Variants in TUT4 observed in about 807,000 individuals in gnomAD.
TUT4 encodes terminal uridylyltransferase 4.
In TUT4, 36 loss-of-function variants were observed where a neutral mutation model predicts 192.2. The observed-to-expected ratio is 0.19, with a 90% CI of 0.14 to 0.25. The LOEUF (loss-of-function observed/expected upper bound fraction) is 0.25. Ranked by LOEUF, TUT4 falls within the 10% of genes least tolerant of loss-of-function variation. The probability of loss-of-function intolerance (pLI) is 1.00; values close to 1 mark genes in which losing one functional copy is unlikely to be tolerated. For missense variants in TUT4, 1,493 were observed against 1,957.2 expected (o/e 0.76, Z 4.47); for synonymous variants, 618 against 666.0 (o/e 0.93, Z 1.11).
intron 1 of TUT4, among the ~76,000 whole-genome samples, chr1:52,528,115 G>T (rs993477005): frequency 6.6e-6 from 1 of 151,466 alleles, no homozygotes; most frequent in African/African-American, 2.4e-5. Context: ...GGAAGCGGAA[G>T]TTGCAGTGAA....
chr1:52,508,241 C>T (rs149874153), intron 4 of TUT4, among the ~76,000 whole-genome samples: 1,778 of 150,956 alleles, frequency 0.012, 39 homozygotes, highest in African/African-American at 0.041. Flanking sequence ...GCAGGGTAAT[C>T]GCTTAAACCT....
intron 1 of TUT4, among the ~76,000 whole-genome samples, chr1:52,538,065 G>A (rs1033151489): frequency 1.8e-4 from 27 of 152,056 alleles, no homozygotes; most frequent in African/African-American, 5.3e-4. Flanking sequence ...GTGAAACCCC[G>A]TCTCTACTAA....
At chr1:52,436,004 AT>A (rs755394425) in intron 26 of TUT4, among the ~76,000 whole-genome samples, 3 of 150,936 alleles carry the variant, frequency 2.0e-5, no homozygotes, top group African/African-American at 7.3e-5. Context: ...ATGTTCTCTT[AT>A]TTTTTTTTAA....
chr1:52,520,800 C>CT (rs913768037), intron 2 of TUT4, among the ~76,000 whole-genome samples: 96 of 151,208 alleles, frequency 6.3e-4, no homozygotes, highest in African/African-American at 2.1e-3. Flanking sequence ...ATTTTATTTT[C>CT]TTTTTTTTTG....
chr1:52,516,113 A>G lies in TUT4; in HGVS notation c.719-59T>C. The stretch of plus-strand genomic sequence containing the variant: ...GAACTGGTAAATTTTTAAATTTTTT[A>G]ATGGAAAACAGACATTAAATTTATA... On this transcript the variant is annotated intron_variant, in intron 2 of 29. Transcript: ENST00000257177. 8.3e-6 allele frequency: 11 copies of G among 1,326,054 alleles called. No individual in the cohort carries two copies. In the South Asian group the frequency reaches 1.5e-4, roughly 18 times the overall value. The allele number at this position is 1,326,054 out of a possible 1,614,324, so 82.1% of individuals were successfully genotyped here.
At chr1:52,530,258 CAAAA>C (rs11365992) in intron 1 of TUT4, among the ~76,000 whole-genome samples, 5 of 93,286 alleles carry the variant, frequency 5.4e-5, no homozygotes, top group Non-Finnish European at 8.9e-5. Context: ...GACTCCATCT[CAAAA>C]AAAAAAAAAA....
intron 1 of TUT4, 21 bp from the exon 2 acceptor site, chr1:52,526,394 G>A: frequency 4.1e-6 from 4 of 976,324 alleles, no homozygotes; most frequent in East Asian, 3.3e-5. Flanking sequence ...AAAAAAAAGA[G>A]AAAAATCTGT....
At chr1:52,488,515 T>G (rs551487097) in intron 9 of TUT4, among the ~76,000 whole-genome samples, 2 of 152,198 alleles carry the variant, frequency 1.3e-5, no homozygotes, top group Non-Finnish European at 2.9e-5. Context: ...GGAAAGAGAA[T>G]AGCATTCTTA....
At chr1:52,450,932 C>T (rs1420916099) in intron 20 of TUT4, among the ~76,000 whole-genome samples, 1 of 151,964 alleles carries the variant, frequency 6.6e-6, no homozygotes, top group Non-Finnish European at 1.5e-5. Context: ...AGAATTAGTA[C>T]ATATGATCCC....
In TUT4 at chr1:52,465,148, G is replaced by A. The variant is rs1325614543; in HGVS notation, c.2991C>T (p.Gly997=). The A allele has an allele frequency of 3.7e-6, 6 of 1,613,492 alleles. No homozygotes were observed. In the Admixed American group the frequency reaches 8.3e-5, roughly 22 times the overall value. The change falls in exon 16 of 30, where the codon GGC becomes GGT. Residue 997 remains glycine, a synonymous_variant. Coordinates refer to ENST00000257177, the MANE Select transcript of TUT4 (RefSeq NM_001009881.3). ...YDEKARLCLF[G]SSKNGFGFRD... is the part of the protein sequence containing the mutation. ...GAAATCCAAATCCATTCTTAGAAGA[G>A]CCAAATAAGCACAACCTTGCCTTTT...
rs757660083 is a variant in TUT4, at chr1:52,468,295, A to C, written c.2879-28T>G. The C allele has an allele frequency of 3.9e-6, 6 of 1,525,500 alleles. No homozygotes were observed. In the South Asian group the frequency reaches 7.4e-5, roughly 19 times the overall value. 94.5% of individuals were successfully genotyped at this position (1,525,500 alleles called of 1,614,324 possible). A position where few individuals can be genotyped will look rare whatever the true frequency, so the allele number is the denominator to read the frequency against. ...GGGTTTATAAAAAGAAGAAAAAAGG[A>C]AAAAGAAAAGTAAGGAAAACAGAAT... On this transcript the variant is annotated intron_variant, in intron 14 of 29. Coordinates refer to ENST00000257177, the MANE Select transcript of TUT4 (RefSeq NM_001009881.3).
At chr1:52,451,164 G>T (rs576830001) in intron 20 of TUT4, among the ~76,000 whole-genome samples, 11 of 152,106 alleles carry the variant, frequency 7.2e-5, no homozygotes, top group African/African-American at 2.7e-4. Flanking sequence ...TACTCGGGAG[G>T]CTGAGGCAGG....
intron 20 of TUT4, among the ~76,000 whole-genome samples, chr1:52,451,601 G>T (rs1450780137): frequency 6.6e-6 from 1 of 152,148 alleles, no homozygotes; most frequent in African/African-American, 2.4e-5. Flanking sequence ...CAGCACTTTG[G>T]GAGGCCAAGG....
chr1:52,546,154 G>A (rs1688044768), intron 1 of TUT4, among the ~76,000 whole-genome samples: 4 of 151,788 alleles, frequency 2.6e-5, no homozygotes, highest in African/African-American at 9.7e-5. Context: ...TAAATAAATA[G>A]AAGAAGAAGA....
intron 23 of TUT4, 25 bp downstream of exon 23, chr1:52,445,930 CAG>C: frequency 6.2e-7 from 1 of 1,604,012 alleles, no homozygotes; most frequent in Non-Finnish European, 8.5e-7. Flanking sequence ...GTTTTAAAAT[CAG>C]AGAATCTCTA....
At chr1:52,461,938 G>T (rs1662676445) in intron 16 of TUT4, 169 bp from the exon 17 acceptor site, 1 of 453,120 alleles carries the variant, frequency 2.2e-6, no homozygotes, top group East Asian at 3.6e-5. Flanking sequence ...GCATAATCTG[G>T]AAACTTGATA....
At position 52,445,029 on chromosome 1, in the gene TUT4, GTA is replaced by G. The variant is rs61668654; in HGVS notation, c.3822+756_3822+757del. Among the ~76,000 whole-genome samples the G allele has an allele frequency of 1.7e-3, 252 of 147,188 alleles. No homozygotes were observed. In the Middle Eastern group the frequency reaches 0.018, roughly 10 times the overall value. On this transcript the variant is annotated intron_variant, in intron 24 of 29. Transcript: ENST00000257177. ...TGTGTGTATATATATGTATATATGT[GTA>G]TATATATATGTGTGTGTGTGTCTGT...
chr1:52,530,801 G>A (rs558443487), intron 1 of TUT4, among the ~76,000 whole-genome samples: 15 of 152,160 alleles, frequency 9.9e-5, no homozygotes, highest in African/African-American at 3.6e-4. Flanking sequence ...TCGCAAGTTC[G>A]AGGCCAGCCT....
At position 52,493,652 on chromosome 1, in the gene TUT4, G is replaced by C. The variant is rs761941177; in HGVS notation, c.1277C>G (p.Pro426Arg). 1 of 1,506,048 alleles carries C rather than the reference G, an allele frequency of 6.6e-7. No individual in the cohort carries two copies. The highest frequency in any genetic ancestry group is 9.0e-7 in the Non-Finnish European group (1 of 1,108,300). The allele number at this position is 1,506,048 out of a possible 1,614,324, so 93.3% of individuals were successfully genotyped here. Residue 426 changes from proline (P) to arginine (R), a missense_variant, in exon 7 of 30, where the codon CCA becomes CGA. By Grantham distance (103) the Pro-to-Arg change is moderately radical. This residue lies in a region of TUT4 where 437 missense variants were observed against 577.6 expected (regional missense o/e 0.76). Coordinates refer to ENST00000257177, the MANE Select transcript of TUT4 (RefSeq NM_001009881.3). ...CCCAAGTACTTTTATCAGAAGATCT[G>C]GATGATTCATCTAAAAAAGTTTCAA... ...DIKFPPKMNH[P>R]DLLIKVLGIL...
Sources: allele counts gnomAD v4.1 joint callset (sites outside exome capture counted in the v4.1 genomes callset), GRCh38; gene constraint gnomAD v4.1.1; regional missense constraint gnomAD v4.1.1; transcripts MANE v1.5; gene names NCBI Gene and HGNC (gene_info 2026-07-23, HGNC 2026-07-21).